APP: variants seen among roughly 807,000 people sequenced by gnomAD.
APP encodes the protein amyloid-beta precursor protein.
A neutral mutation model predicts 101.4 loss-of-function variants in APP; 31 were observed. The observed-to-expected ratio is 0.31, with a 90% CI of 0.23 to 0.41. The LOEUF is 0.41. Ranked by LOEUF, APP falls within the 10% of genes least tolerant of loss-of-function variation. APP has a pLI of 1.00. For synonymous variants in APP, 366 were observed against 364.4 expected (o/e 1.00, Z -0.05); for missense variants, 839 against 1,003.7 (o/e 0.84, Z 2.22).
chr21:25,963,668 G>A (rs1326361995), intron 11 of APP, among the ~76,000 whole-genome samples: 2 of 152,138 alleles, frequency 1.3e-5, no homozygotes, highest in African/African-American at 4.8e-5. Context: ...CATATAAAAT[G>A]TAGAAAATTT....
rs2043088480 is a variant in APP at position 25,997,202 on chromosome 21, A to T, written c.1090+158T>A. 4.2e-6 allele frequency: 3 copies of T among 707,670 alleles called. No homozygotes were observed. The Admixed American group carries it at 7.3e-5, about 17-fold the overall frequency. 43.8% of individuals were successfully genotyped at this position (707,670 alleles called of 1,614,324 possible). A position where few individuals can be genotyped will look rare whatever the true frequency, so the allele number is the denominator to read the frequency against. ...ACATCTCAAGCTGTCTGGCAAAATC[A>T]GATGTAATTACAAGCAAGGTAATGG... is the stretch of plus-strand genomic sequence containing the variant. On this transcript the variant is annotated intron_variant, in intron 8 of 17. Transcript: ENST00000346798.
At chr21:25,894,302 T>A (rs951688806) in intron 16 of APP, among the ~76,000 whole-genome samples, 3 of 152,200 alleles carry the variant, frequency 2.0e-5, no homozygotes, top group Non-Finnish European at 4.4e-5. Context: ...TATTTCAGCC[T>A]CTTATTATTT....
At chr21:25,892,467 C>G (rs1398498199) in intron 16 of APP, among the ~76,000 whole-genome samples, 2 of 125,522 alleles carry the variant, frequency 1.6e-5, no homozygotes, top group East Asian at 5.0e-4. Flanking sequence ...ATCTTGTTAC[C>G]TACTTTTAGC....
At chr21:25,910,429 C>T (rs1233334201) in intron 14 of APP, among the ~76,000 whole-genome samples, 13 of 152,264 alleles carry the variant, frequency 8.5e-5, no homozygotes, top group Non-Finnish European at 1.8e-4. Flanking sequence ...GATGCCTGGC[C>T]TATAAGGTAT....
intron 1 of APP, among the ~76,000 whole-genome samples, chr21:26,142,339 T>C (rs1175356780): frequency 1.3e-5 from 2 of 152,182 alleles, no homozygotes; most frequent in Non-Finnish European, 2.9e-5. Flanking sequence ...GCTAAGAATG[T>C]TGCTGCTGGC....
chr21:26,140,322 G>T (rs893065399), intron 1 of APP: 2 of 1,527,064 alleles, frequency 1.3e-6, no homozygotes, highest in Non-Finnish European at 8.8e-7. Flanking sequence ...TTCCATCCTC[G>T]GGAGGGTGAG....
intron 11 of APP, among the ~76,000 whole-genome samples, chr21:25,969,905 A>AGAGGGGAGGG (rs796868333): frequency 1.1e-4 from 9 of 79,432 alleles, no homozygotes; most frequent in African/African-American, 3.2e-4. Flanking sequence ...AGAGAAGAGA[A>AGAGGGGAGGG]GAGGGGAGGG....
At chr21:26,124,734 T>G (rs950760963) in intron 1 of APP, among the ~76,000 whole-genome samples, 2 of 152,266 alleles carry the variant, frequency 1.3e-5, no homozygotes, top group Non-Finnish European at 2.9e-5. Context: ...AAACAGCAAA[T>G]GCTGATGGTT....
At chr21:26,033,828 A>G (rs73340728) in intron 5 of APP, among the ~76,000 whole-genome samples, 5,166 of 152,256 alleles carry the variant, frequency 0.034, 295 homozygotes, top group African/African-American at 0.12. Flanking sequence ...CTGGGGATGA[A>G]GGGAGTGAGT....
intron 8 of APP, among the ~76,000 whole-genome samples, chr21:25,988,969 T>C (rs2042752115): frequency 1.3e-5 from 2 of 152,168 alleles, no homozygotes; most frequent in African/African-American, 4.8e-5. Context: ...CTGTGATCTA[T>C]TCTCAATACC....
chr21:26,126,196 T>C (rs1282745239), intron 1 of APP, among the ~76,000 whole-genome samples: 1 of 152,158 alleles, frequency 6.6e-6, no homozygotes, highest in Non-Finnish European at 1.5e-5. Context: ...ACAGATAACA[T>C]CACATAGATT....
intron 5 of APP, among the ~76,000 whole-genome samples, chr21:26,025,047 G>C (rs1189097403): frequency 6.6e-6 from 1 of 152,130 alleles, no homozygotes; most frequent in African/African-American, 2.4e-5. Flanking sequence ...GAAAACACTG[G>C]CACTGAAAAT....
At chr21:26,000,228 C>G (rs770310188) in intron 6 of APP, 46 bp from the exon 7 acceptor site, 1 of 1,606,428 alleles carries the variant, frequency 6.2e-7, no homozygotes, top group Non-Finnish European at 8.5e-7. Flanking sequence ...TGAAAAGGCA[C>G]TGTCTCTCTG....
intron 1 of APP, among the ~76,000 whole-genome samples, chr21:26,130,264 C>T (rs1360145721): frequency 6.6e-6 from 1 of 152,194 alleles, no homozygotes; most frequent in Non-Finnish European, 1.5e-5. Flanking sequence ...TGTAATGAGG[C>T]TCTCACAGTT....
At chr21:26,163,240 A>C (rs458821) in intron 1 of APP, among the ~76,000 whole-genome samples, 268 of 25,358 alleles carry the variant, frequency 0.011, 5 homozygotes, top group East Asian at 0.059. Flanking sequence ...ACTCAGTCTC[A>C]AAAAAAAAAA....
intron 13 of APP, among the ~76,000 whole-genome samples, chr21:25,913,991 G>A (rs1165935961): frequency 6.6e-6 from 1 of 151,972 alleles, no homozygotes; most frequent in Non-Finnish European, 1.5e-5. Flanking sequence ...CAGTTTGCTG[G>A]AGATACCAAC....
At chr21:26,000,277 G>A in intron 6 of APP, 95 bp from the exon 7 acceptor site, 2 of 1,494,072 alleles carry the variant, frequency 1.3e-6, no homozygotes, top group Non-Finnish European at 1.8e-6. Context: ...TCCTCCCAGT[G>A]GCAACCTGGA....
chr21:26,024,005 A>C (rs1216951167), intron 5 of APP, among the ~76,000 whole-genome samples: 1 of 152,234 alleles, frequency 6.6e-6, no homozygotes, highest in Non-Finnish European at 1.5e-5. Flanking sequence ...TTGGATGGCA[A>C]AAGAAGGGCA....
At chr21:26,094,565 T>G (rs992800408) in intron 2 of APP, among the ~76,000 whole-genome samples, 1 of 149,276 alleles carries the variant, frequency 6.7e-6, no homozygotes, top group African/African-American at 2.4e-5. Context: ...ATAAAAATAT[T>G]TATATTTATA....
Sources: gnomAD v4.1 joint callset for allele counts (sites outside exome capture counted in the v4.1 genomes callset) on GRCh38, gnomAD v4.1.1 for gene constraint, MANE v1.5 for transcripts, NCBI Gene and HGNC (gene_info 2026-07-23, HGNC 2026-07-21) for gene names.